The following NUDT12 variants were observed in gnomAD, a reference collection of about 807,000 sequenced individuals.
NUDT12 encodes the protein NAD-capped RNA hydrolase NUDT12.
A neutral mutation model predicts 45.7 loss-of-function variants in NUDT12; 42 were observed. That is an observed-to-expected ratio of 0.92 (90% CI 0.72 to 1.19). The LOEUF (loss-of-function observed/expected upper bound fraction) is 1.19, where lower values mean the gene tolerates loss of function less well. Among genes scored for constraint, NUDT12 ranks in the 50% most tolerant of loss-of-function variants. NUDT12 has a pLI of 0.00. For synonymous variants in NUDT12, 206 were observed against 179.7 expected, an observed-to-expected ratio of 1.15 and a Z score of -1.17; for missense variants, 590 against 533.1, an observed-to-expected ratio of 1.11 and a Z score of -1.05.
At chr5:103,558,775 T>G (rs1580696915) in intron 3 of NUDT12, 104 bp downstream of exon 3, 2 of 728,294 alleles carry the variant, frequency 2.7e-6, no homozygotes, top group Non-Finnish European at 4.4e-6. Context: ...CTAATTTCAC[T>G]GCTTACTGGA....
chr5:103,555,834 A>G (rs1429517316), intron 4 of NUDT12, 97 bp downstream of exon 4: 2 of 840,546 alleles, frequency 2.4e-6, no homozygotes, highest in Non-Finnish European at 3.5e-6. Flanking sequence ...TGTTTTCCAT[A>G]AAAAGGAAAA....
At chr5:103,552,067 T>C in intron 6 of NUDT12, 150 bp downstream of exon 6, 1 of 617,936 alleles carries the variant, frequency 1.6e-6, no homozygotes, top group East Asian at 2.7e-5. Flanking sequence ...ACTCCTCCTG[T>C]ATGGAATTAC....
In NUDT12 at chr5:103,559,320, T is replaced by G. The variant is rs1316606965; in HGVS notation, c.355A>C (p.Asn119His). The change falls in exon 3 of 7, where the codon AAT becomes CAT. Residue 119 changes from asparagine to histidine, a missense_variant. Asn to His is a moderately conservative substitution (Grantham distance 68). Transcript: ENST00000230792. The stretch of plus-strand genomic sequence containing the variant: ...TCCAGTAGTGTTTTGCTAAAATAAT[T>G]TTCACATTCTTCCACTTCATTCGTT... ...FLTNEVEECE[N>H]YFSKTLLDRK... 3 of 1,612,854 alleles carry G rather than the reference T, an allele frequency of 1.9e-6. No individual in the cohort carries two copies. Among genetic ancestry groups the G allele is most frequent in the Admixed American group, 1.7e-5 (1 of 59,824 alleles).
At chr5:103,553,211 T>C (rs374413731) in intron 5 of NUDT12, among the ~76,000 whole-genome samples, 10 of 152,016 alleles carry the variant, frequency 6.6e-5, no homozygotes, top group Non-Finnish European at 1.5e-4. Context: ...AATATAATTA[T>C]AGACTAGTGT....
rs866695623 is a variant in NUDT12, at chr5:103,552,301, A to G, written c.1194T>C (p.Ile398=). Residue 398 remains isoleucine, a synonymous_variant, in exon 6 of 7, where the codon ATT becomes ATC. Coordinates refer to ENST00000230792, the MANE Select transcript of NUDT12 (RefSeq NM_031438.4). ...QPWPMPSSLM[I]GCLALAVSTE... Reference sequence around the variant, plus strand: ...TAGACACTGCTAGAGCTAAGCAACCAATCATTAAGGAGGAAGGCATTGGCC... The same window carrying G: ...TAGACACTGCTAGAGCTAAGCAACCGATCATTAAGGAGGAAGGCATTGGCC... The G allele has an allele frequency of 2.0e-5, 33 of 1,613,816 alleles. No individual in the cohort carries two copies. The Middle Eastern group carries it at 2.8e-3, about 137-fold the overall frequency.
chr5:103,555,825 G>GT, intron 4 of NUDT12, 106 bp downstream of exon 4: 1 of 746,764 alleles, frequency 1.3e-6, no homozygotes, highest in Non-Finnish European at 2.0e-6. Flanking sequence ...GGTTAGACAT[G>GT]TTTTCCATAA....
Position 103,560,076 on chromosome 5 carries a change from T to A in NUDT12, c.173A>T (p.His58Leu), listed in dbSNP as rs771005835. 1.2e-6 allele frequency: 2 copies of A among 1,613,770 alleles called. No individual in the cohort carries two copies. Among genetic ancestry groups the A allele is most frequent in the Non-Finnish European group, 1.7e-6 (2 of 1,179,824 alleles). ...TALMYAARNG[H>L]PEIVQFLLEK... ...AAGCAGAAATTGGACTATCTCTGGG[T>A]GCCCATTCCTTGCCGCATACATTAA... Residue 58 changes from histidine to leucine, a missense_variant, in exon 2 of 7, where the codon CAC (histidine) becomes CTC (leucine). Physicochemically the swap from His to Leu is moderately conservative, Grantham distance 99. Coordinates refer to ENST00000230792, the MANE Select transcript of NUDT12 (RefSeq NM_031438.4).
At chr5:103,555,189 G>A (rs1012466211) in intron 4 of NUDT12, among the ~76,000 whole-genome samples, 7 of 151,770 alleles carry the variant, frequency 4.6e-5, no homozygotes, top group Non-Finnish European at 7.4e-5. Flanking sequence ...ATGGAAATAA[G>A]GAAAATTCAA....
rs1175162436 is a variant in NUDT12 at position 103,555,930 on chromosome 5, C to T, written c.964+1G>A. The T allele has an allele frequency of 3.9e-6, 6 of 1,554,908 alleles. No homozygotes were observed. The East Asian group carries it at 9.3e-5, about 24-fold the overall frequency. ...GCTGAGATATAAAATAAAGGGCTTA[C>T]CAACTCTTGGGTATGAGGTATTATG... is the stretch of plus-strand genomic sequence containing the variant. On this transcript the variant is annotated splice_donor_variant, in intron 4 of 6. Coordinates refer to ENST00000230792, the MANE Select transcript of NUDT12 (RefSeq NM_031438.4). LOFTEE classifies it high-confidence loss of function.
intron 1 of NUDT12, among the ~76,000 whole-genome samples, chr5:103,561,592 C>T (rs1045292372): frequency 6.6e-6 from 1 of 152,270 alleles, no homozygotes; most frequent in Non-Finnish European, 1.5e-5. Context: ...TTTCTACATA[C>T]GTTAAAAATA....
In NUDT12 at chr5:103,550,317, A is replaced by G. The variant is rs192555342; in HGVS notation, c.*544T>C. The stretch of plus-strand genomic sequence containing the variant: ...CTATAACACCTCCACTGCTAGAACA[A>G]TGGAACCCCCAGGAAAGAGCAAGTG... On this transcript the variant is annotated 3_prime_UTR_variant, in exon 7 of 7. Coordinates refer to ENST00000230792, the MANE Select transcript of NUDT12 (RefSeq NM_031438.4). 370 of 152,742 alleles carry G rather than the reference A, an allele frequency of 2.4e-3. 1 individual carries two copies. Among genetic ancestry groups the G allele is most frequent in the Non-Finnish European group, 4.2e-3 (289 of 68,382 alleles). The allele number at this position is 152,742 out of a possible 1,614,324, so 9.5% of individuals were successfully genotyped here.
Position 103,550,764 on chromosome 5 carries a change from G to T in NUDT12, c.*97C>A. On this transcript the variant is annotated 3_prime_UTR_variant, in exon 7 of 7. Coordinates refer to ENST00000230792, the MANE Select transcript of NUDT12 (RefSeq NM_031438.4). ...AAAACCCAACATCGTATTTTGTGTT[G>T]TGACACTCTCAAGAGTACTGAATAA... is the stretch of plus-strand genomic sequence containing the variant. The T allele has an allele frequency of 1.3e-6, 1 of 774,572 alleles. No individual in the cohort carries two copies. Among genetic ancestry groups the T allele is most frequent in the Non-Finnish European group, 2.1e-6 (1 of 469,586 alleles). The allele number at this position is 774,572 out of a possible 1,614,324, so 48.0% of individuals were successfully genotyped here.
intron 5 of NUDT12, among the ~76,000 whole-genome samples, chr5:103,553,224 G>A (rs902021615): frequency 2.6e-5 from 4 of 151,762 alleles, no homozygotes; most frequent in Admixed American, 2.0e-4. Flanking sequence ...ACTAGTGTAA[G>A]GTATTTGCAA....
chr5:103,559,444 T>C lies in NUDT12; in HGVS notation c.231A>G (p.Lys77=), dbSNP rs1288381285. The part of the protein sequence containing the change: ...EKGCDRSIVN[K]SRQTALDIAV... ...CAATGTCCAGTGCAGTCTGCCTTGA[T>C]TTATTGACAATTGATCTGTCACACC... Residue 77 remains lysine (K), a synonymous_variant, in exon 3 of 7, where the codon AAA becomes AAG. Coordinates refer to ENST00000230792, the MANE Select transcript of NUDT12 (RefSeq NM_031438.4). 1 of 1,540,170 alleles carries C rather than the reference T, an allele frequency of 6.5e-7. No homozygotes were observed.
chr5:103,555,363 T>A (rs1748781422), intron 4 of NUDT12, among the ~76,000 whole-genome samples: 1 of 152,084 alleles, frequency 6.6e-6, no homozygotes, highest in Non-Finnish European at 1.5e-5. Context: ...CACTATATCA[T>A]GACCAAGAAC....
rs142716193 is a variant in NUDT12 at position 103,561,815 on chromosome 5, G to A, written c.-7+888C>T. Among the ~76,000 whole-genome samples, 27 of 152,244 alleles carry A rather than the reference G, an allele frequency of 1.8e-4. 1 individual carries two copies. The highest frequency in any genetic ancestry group is 6.8e-3 in the Middle Eastern group (2 of 294). ...ACTCCCTCACATTCTCACAGGCCGC[G>A]CCAGGTAACTGCAAAATTGTCCTTC... On this transcript the variant is annotated intron_variant, in intron 1 of 6. Transcript: ENST00000230792.
intron 4 of NUDT12, among the ~76,000 whole-genome samples, chr5:103,555,242 C>T (rs1253555851): frequency 2.0e-5 from 3 of 152,004 alleles, no homozygotes; most frequent in African/African-American, 4.8e-5. Flanking sequence ...TCCATCCTAA[C>T]CCTTAACAAA....
At position 103,559,138 on chromosome 5, in the gene NUDT12, C is replaced by T; in HGVS notation, c.537G>A (p.Leu179=). Reference sequence around the variant, plus strand: ...AATAATCCTTTATATCTGTGTAGTTCAGCTGACAAAGCCTAACTTCTGGCT... The same window carrying T: ...AATAATCCTTTATATCTGTGTAGTTTAGCTGACAAAGCCTAACTTCTGGCT... The part of the protein sequence containing the change: ...FQQPEVRLCQ[L]NYTDIKDYLA... Residue 179 remains leucine (L), a synonymous_variant, in exon 3 of 7, where the codon CTG becomes CTA. Coordinates refer to ENST00000230792, the MANE Select transcript of NUDT12 (RefSeq NM_031438.4). The T allele has an allele frequency of 6.3e-7, 1 of 1,581,766 alleles. No homozygotes were observed. The highest frequency in any genetic ancestry group is 8.6e-7 in the Non-Finnish European group (1 of 1,166,446).
At chr5:103,561,477 A>G (rs1580700019) in intron 1 of NUDT12, among the ~76,000 whole-genome samples, 1 of 152,366 alleles carries the variant, frequency 6.6e-6, no homozygotes, top group East Asian at 1.9e-4. Flanking sequence ...GAAACCTAAC[A>G]GTGGAAATCT....
Sources: allele counts gnomAD v4.1 joint callset (sites outside exome capture counted in the v4.1 genomes callset), GRCh38; gene constraint gnomAD v4.1.1; transcripts MANE v1.5; gene names NCBI Gene and HGNC (gene_info 2026-07-23, HGNC 2026-07-21).